ERBIN: variants seen among roughly 807,000 people sequenced by gnomAD.
ERBIN encodes erbb2 interacting protein.
Under a neutral mutation model 158.4 loss-of-function variants are expected in ERBIN, and 60 were observed. The observed-to-expected ratio is 0.38, with a 90% CI of 0.31 to 0.47. ERBIN has a LOEUF of 0.47. ERBIN is among the 20% of genes least tolerant of loss of function. ERBIN has a pLI of 0.99. For synonymous variants in ERBIN, 594 were observed against 557.2 expected, an observed-to-expected ratio of 1.07 and a Z score of -0.93; for missense variants, 1,610 against 1,648.0, an observed-to-expected ratio of 0.98 and a Z score of 0.40.
chr5:66,016,046 C>G (rs926007339), intron 7 of ERBIN, among the ~76,000 whole-genome samples: 5 of 152,098 alleles, frequency 3.3e-5, no homozygotes, highest in Admixed American at 1.3e-4. Flanking sequence ...TGTATCTTCC[C>G]CTTGGTTTCC....
At chr5:66,012,931 C>T (rs552773667) in intron 5 of ERBIN, among the ~76,000 whole-genome samples, 1 of 152,208 alleles carries the variant, frequency 6.6e-6, no homozygotes, top group South Asian at 2.1e-4. Flanking sequence ...TATTTAGGAG[C>T]CAAATATTGA....
chr5:66,066,589 AT>A (rs1180075769), intron 21 of ERBIN, among the ~76,000 whole-genome samples: 1 of 152,078 alleles, frequency 6.6e-6, no homozygotes, highest in Non-Finnish European at 1.5e-5. Flanking sequence ...CACCTTGAAA[AT>A]TTCAAGATTT....
chr5:66,021,270 C>A, intron 7 of ERBIN, 52 bp from the exon 8 acceptor site: 1 of 1,166,864 alleles, frequency 8.6e-7, no homozygotes, highest in Non-Finnish European at 1.3e-6. Flanking sequence ...TTGAAAGCTT[C>A]CATGTAATTG....
At chr5:65,978,040 A>G (rs1229349082) in intron 1 of ERBIN, among the ~76,000 whole-genome samples, 2 of 152,220 alleles carry the variant, frequency 1.3e-5, no homozygotes, top group Non-Finnish European at 2.9e-5. Context: ...TTTCCCTGTC[A>G]TATTAAGCAA....
chr5:65,977,212 C>T (rs1168872082), intron 1 of ERBIN, among the ~76,000 whole-genome samples: 1 of 145,346 alleles, frequency 6.9e-6, no homozygotes, highest in Non-Finnish European at 1.5e-5. Context: ...CCCCCCACCT[C>T]CCTCCCGGAT....
intron 16 of ERBIN, 72 bp downstream of exon 16, chr5:66,043,270 T>G: frequency 6.9e-7 from 1 of 1,446,044 alleles, no homozygotes; most frequent in Non-Finnish European, 9.6e-7. Context: ...ATATATACTA[T>G]GATGTCTGGG....
At chr5:65,933,168 T>C (rs1220355059) in intron 1 of ERBIN, among the ~76,000 whole-genome samples, 1 of 152,250 alleles carries the variant, frequency 6.6e-6, no homozygotes, top group Non-Finnish European at 1.5e-5. Context: ...ACATTGTCTT[T>C]TGTTTATTCT....
chr5:65,950,953 T>C (rs1035730609), intron 1 of ERBIN, among the ~76,000 whole-genome samples: 6 of 152,328 alleles, frequency 3.9e-5, no homozygotes, highest in East Asian at 3.9e-4. Context: ...CTTTACACTT[T>C]TGAAATTCAT....
chr5:65,938,321 T>C (rs1042654314), intron 1 of ERBIN, among the ~76,000 whole-genome samples: 6 of 151,978 alleles, frequency 3.9e-5, no homozygotes, highest in East Asian at 1.9e-4. Context: ...TTAGTTGATA[T>C]GTTTGTATTT....
intron 4 of ERBIN, among the ~76,000 whole-genome samples, chr5:65,997,927 T>TACACACACACACACACACAC (rs60768327): frequency 1.6e-4 from 24 of 150,208 alleles, no homozygotes; most frequent in African/African-American, 5.9e-4. Flanking sequence ...GGTGTCTGTC[T>TACACACACACACACACACAC]ACACACACAC....
intron 1 of ERBIN, among the ~76,000 whole-genome samples, chr5:65,976,880 A>G (rs251323): frequency 0.84 from 125,082 of 148,382 alleles, 53,365 homozygotes; most frequent in African/African-American, 0.91. Context: ...ATTTTTCTTA[A>G]TACAGAACAA....
At chr5:65,987,934 A>G (rs1031406597) in intron 1 of ERBIN, among the ~76,000 whole-genome samples, 1 of 152,222 alleles carries the variant, frequency 6.6e-6, no homozygotes, top group Non-Finnish European at 1.5e-5. Flanking sequence ...TTACTAAAAT[A>G]TAATTGGCCA....
At chr5:65,965,205 G>A (rs971189188) in intron 1 of ERBIN, among the ~76,000 whole-genome samples, 1 of 79,072 alleles carries the variant, frequency 1.3e-5, no homozygotes, top group Non-Finnish European at 3.1e-5. Context: ...TTTATAAGGT[G>A]GGTACTTGGT....
chr5:65,984,360 C>T (rs984199895), intron 1 of ERBIN, among the ~76,000 whole-genome samples: 2 of 152,190 alleles, frequency 1.3e-5, no homozygotes, highest in Non-Finnish European at 2.9e-5. Context: ...CTAGGGGCCC[C>T]GTCTGTGCAC....
At chr5:66,009,296 C>T (rs960256207) in intron 4 of ERBIN, among the ~76,000 whole-genome samples, 4 of 151,942 alleles carry the variant, frequency 2.6e-5, no homozygotes, top group Non-Finnish European at 4.4e-5. Context: ...AATTGTTCGT[C>T]GAAGAACTGA....
chr5:66,063,578 A>G (rs1240171898), intron 21 of ERBIN, among the ~76,000 whole-genome samples: 2 of 152,096 alleles, frequency 1.3e-5, no homozygotes, highest in Non-Finnish European at 2.9e-5. Flanking sequence ...CCCCAGTGAG[A>G]TGAACCCGGT....
chr5:65,971,194 T>G (rs1749204988), intron 1 of ERBIN, among the ~76,000 whole-genome samples: 1 of 151,962 alleles, frequency 6.6e-6, no homozygotes, highest in Non-Finnish European at 1.5e-5. Flanking sequence ...GACAACCAGG[T>G]GTCTAGAAGT....
chr5:65,971,992 C>T (rs1159935969), intron 1 of ERBIN, among the ~76,000 whole-genome samples: 5 of 152,176 alleles, frequency 3.3e-5, no homozygotes, highest in African/African-American at 1.2e-4. Context: ...TGCTGCTTGC[C>T]AAGCTGTATG....
chr5:66,074,328 A>G (rs1015153117), intron 22 of ERBIN, among the ~76,000 whole-genome samples: 12 of 152,006 alleles, frequency 7.9e-5, no homozygotes, highest in Non-Finnish European at 1.6e-4. Context: ...ACAACAAACT[A>G]ATAATTTAAA....
Sources: allele counts gnomAD v4.1 joint callset (sites outside exome capture counted in the v4.1 genomes callset), GRCh38; gene constraint gnomAD v4.1.1; transcripts MANE v1.5; gene names NCBI Gene and HGNC (gene_info 2026-07-23, HGNC 2026-07-21).